The following PRTG variants were observed in gnomAD, a reference collection of about 807,000 sequenced individuals.
PRTG encodes the protein protogenin.
A neutral mutation model predicts 122.5 loss-of-function variants in PRTG; 67 were observed. The ratio of observed to expected loss-of-function variants is 0.55; its 90% CI spans 0.45 to 0.67. The LOEUF (loss-of-function observed/expected upper bound fraction) is 0.67. Among genes scored for constraint, PRTG ranks in the 30% least tolerant of loss-of-function variants. The pLI is 0.00. For missense variants in PRTG, 1,435 were observed against 1,415.4 expected (o/e 1.01, Z -0.22); for synonymous variants, 554 against 501.1 (o/e 1.11, Z -1.41).
chr15:55,635,432 G>A (rs928118474), intron 15 of PRTG, among the ~76,000 whole-genome samples: 1 of 152,190 alleles, frequency 6.6e-6, no homozygotes, highest in Non-Finnish European at 1.5e-5. Flanking sequence ...TATCAAAACT[G>A]TAATATGGCT....
At chr15:55,685,248 A>G (rs545366279) in intron 2 of PRTG, among the ~76,000 whole-genome samples, 3 of 152,312 alleles carry the variant, frequency 2.0e-5, no homozygotes, top group Admixed American at 2.0e-4. Flanking sequence ...AGGCTAACAA[A>G]TTCTGCCTTG....
At chr15:55,653,406 C>A (rs753224296) in intron 11 of PRTG, among the ~76,000 whole-genome samples, 5 of 151,952 alleles carry the variant, frequency 3.3e-5, no homozygotes, top group Non-Finnish European at 5.9e-5. Context: ...GTTCTTTGTA[C>A]GTGTCCTTTG....
In PRTG at chr15:55,720,850, T is replaced by C. The variant is rs188600703; in HGVS notation, c.397+19532A>G. Among the ~76,000 whole-genome samples the C allele has an allele frequency of 5.3e-5, 8 of 152,322 alleles. No individual in the cohort carries two copies. In the East Asian group the frequency reaches 7.7e-4, roughly 15 times the overall value. ...TTTTAAGAACATTTATGAATTTGTGTTGGGCTGCATTCAAGGCTGTCCTGG... is the reference window on the plus strand; with the variant it reads ...TTTTAAGAACATTTATGAATTTGTGCTGGGCTGCATTCAAGGCTGTCCTGG... On this transcript the variant is annotated intron_variant, in intron 2 of 19. Coordinates refer to ENST00000389286, the MANE Select transcript of PRTG (RefSeq NM_173814.6).
At chr15:55,722,138 G>C (rs1157741550) in intron 2 of PRTG, among the ~76,000 whole-genome samples, 2 of 152,074 alleles carry the variant, frequency 1.3e-5, no homozygotes, top group Non-Finnish European at 2.9e-5. Flanking sequence ...TTAACAGCTG[G>C]GAATCTAGGT....
intron 11 of PRTG, among the ~76,000 whole-genome samples, chr15:55,657,297 T>C (rs1459838440): frequency 6.6e-6 from 1 of 152,174 alleles, no homozygotes; most frequent in Non-Finnish European, 1.5e-5. Flanking sequence ...ATGATTTTTC[T>C]TCTGAGACTA....
chr15:55,672,385 T>C lies in PRTG; in HGVS notation c.2041+60A>G, dbSNP rs944998268. On this transcript the variant is annotated intron_variant, in intron 11 of 19. Transcript: ENST00000389286. ...TTCTCCTGCTTTAGATCCAATAACT[T>C]TTTTCGCAGTTTGTCAGAGAGGAAG... The C allele has an allele frequency of 2.2e-6, 3 of 1,382,480 alleles. No homozygotes were observed. In the African/African-American group the frequency reaches 4.3e-5, roughly 20 times the overall value. 85.6% of individuals were successfully genotyped at this position (1,382,480 alleles called of 1,614,324 possible). A position where few individuals can be genotyped will look rare whatever the true frequency, so the allele number is the denominator to read the frequency against.
At chr15:55,718,380 C>T (rs2030679747) in intron 2 of PRTG, among the ~76,000 whole-genome samples, 1 of 152,114 alleles carries the variant, frequency 6.6e-6, no homozygotes, top group South Asian at 2.1e-4. Flanking sequence ...TTCCTTGTTT[C>T]CCTCCCGCCT....
intron 2 of PRTG, among the ~76,000 whole-genome samples, chr15:55,718,452 G>A (rs1257488700): frequency 6.6e-6 from 1 of 151,484 alleles, no homozygotes; most frequent in African/African-American, 2.4e-5. Flanking sequence ...TCTACACCTT[G>A]TGACCCCCAC....
At chr15:55,716,524 C>T (rs1168264207) in intron 2 of PRTG, among the ~76,000 whole-genome samples, 1 of 152,174 alleles carries the variant, frequency 6.6e-6, no homozygotes, top group Non-Finnish European at 1.5e-5. Flanking sequence ...CAGCAGGAAG[C>T]TGCAACATCT....
At position 55,612,247 on chromosome 15, in the gene PRTG, T is replaced by C. The variant is rs968605170; in HGVS notation, c.*7765A>G. 6.6e-6 allele frequency: 1 copy of C among 152,042 alleles called. No homozygotes were observed. Among genetic ancestry groups the C allele is most frequent in the Non-Finnish European group, 1.5e-5 (1 of 67,956 alleles). 9.4% of individuals were successfully genotyped at this position (152,042 alleles called of 1,614,324 possible). ...ATGTGATAACAGGAAACAGAATATT[T>C]CAAGGTCAAGATTTGTAATATTTTT... On this transcript the variant is annotated 3_prime_UTR_variant, in exon 20 of 20. Coordinates refer to ENST00000389286, the MANE Select transcript of PRTG (RefSeq NM_173814.6).
chr15:55,691,486 T>G (rs183208345), intron 2 of PRTG, among the ~76,000 whole-genome samples: 23 of 151,380 alleles, frequency 1.5e-4, no homozygotes, highest in Admixed American at 4.0e-4. Flanking sequence ...ATCAAAACCA[T>G]CCTGACCAAC....
Position 55,624,360 on chromosome 15 carries a change from G to A in PRTG, c.3075C>T (p.Asn1025=). 1 of 1,614,004 alleles carries A rather than the reference G, an allele frequency of 6.2e-7. No individual in the cohort carries two copies. The highest frequency in any genetic ancestry group is 8.5e-7 in the Non-Finnish European group (1 of 1,179,946). Residue 1025 remains asparagine (N), a synonymous_variant, in exon 18 of 20, where the codon AAC becomes AAT. Coordinates refer to ENST00000389286, the MANE Select transcript of PRTG (RefSeq NM_173814.6). ...TCAGTACCTTTGCATCAATGAAGCT[G>A]TTTGGCATGATCATTGGCATTAAAG... is the stretch of plus-strand genomic sequence containing the variant. ...EESLMPMIMP[N]SFIDAKGGTD... is the part of the protein sequence containing the mutation.
chr15:55,703,491 G>C (rs981420632), intron 2 of PRTG, among the ~76,000 whole-genome samples: 8 of 152,148 alleles, frequency 5.3e-5, no homozygotes, highest in Non-Finnish European at 1.0e-4. Context: ...ACCAGAAGTA[G>C]ATGTAGAAAT....
intron 1 of PRTG, chr15:55,742,574 G>C: frequency 2.2e-6 from 1 of 456,762 alleles, no homozygotes; most frequent in Non-Finnish European, 3.8e-6. Context: ...GAACTCCGCA[G>C]CCACGGGCGC....
At position 55,742,981 on chromosome 15, in the gene PRTG, G is replaced by C; in HGVS notation, c.-50C>G. 1 of 1,404,024 alleles carries C rather than the reference G, an allele frequency of 7.1e-7. No individual in the cohort carries two copies. The highest frequency in any genetic ancestry group is 1.5e-5 in the African/African-American group (1 of 65,940). The allele number at this position is 1,404,024 out of a possible 1,614,324, so 87.0% of individuals were successfully genotyped here. On this transcript the variant is annotated 5_prime_UTR_variant, in exon 1 of 20. Transcript: ENST00000389286. ...CCCCGGCCGCCCAGAGCCCCTGTCC[G>C]TCTGCGGCCCCCGCCCCGGGCGCTC...
rs1303682438 is a variant in PRTG at position 55,617,287 on chromosome 15, T to C, written c.*2725A>G. Reference sequence around the variant, plus strand: ...AATATAAAAATACTTTAATACTGTATAGTTGAAGATTTACTTGCTGAAGAA... The same window carrying C: ...AATATAAAAATACTTTAATACTGTACAGTTGAAGATTTACTTGCTGAAGAA... On this transcript the variant is annotated 3_prime_UTR_variant, in exon 20 of 20. Coordinates refer to ENST00000389286, the MANE Select transcript of PRTG (RefSeq NM_173814.6). 2 of 152,116 alleles carry C rather than the reference T, an allele frequency of 1.3e-5. No individual in the cohort carries two copies. The highest frequency in any genetic ancestry group is 2.9e-5 in the Non-Finnish European group (2 of 67,962). The allele number at this position is 152,116 out of a possible 1,614,324, so 9.4% of individuals were successfully genotyped here.
intron 2 of PRTG, among the ~76,000 whole-genome samples, chr15:55,729,401 T>A (rs1595681975): frequency 6.6e-6 from 1 of 151,966 alleles, no homozygotes; most frequent in South Asian, 2.1e-4. Context: ...CAGCTTTCTT[T>A]TTGGGGTGAT....
At chr15:55,704,662 G>T (rs1242254254) in intron 2 of PRTG, among the ~76,000 whole-genome samples, 1 of 151,998 alleles carries the variant, frequency 6.6e-6, no homozygotes, top group African/African-American at 2.4e-5. Flanking sequence ...TTTACTAAAT[G>T]CCTGTTATGC....
intron 1 of PRTG, 130 bp downstream of exon 1, chr15:55,742,708 C>G: frequency 8.9e-7 from 1 of 1,120,050 alleles, no homozygotes; most frequent in Non-Finnish European, 1.3e-6. Flanking sequence ...GAGCGGGGGC[C>G]GGGGGTCAGC....
Sources: gnomAD v4.1 joint callset for allele counts (sites outside exome capture counted in the v4.1 genomes callset) on GRCh38, gnomAD v4.1.1 for gene constraint, MANE v1.5 for transcripts, NCBI Gene and HGNC (gene_info 2026-07-23, HGNC 2026-07-21) for gene names.